The following SESN3 variants were observed in gnomAD, a reference collection of about 807,000 sequenced individuals.
The protein encoded by SESN3 is sestrin-3.
A neutral mutation model predicts 55.3 loss-of-function variants in SESN3; 21 were observed. The observed-to-expected ratio is 0.38, with a 90% CI of 0.27 to 0.55. The LOEUF is 0.55. SESN3 is among the 20% of genes least tolerant of loss of function. The pLI is 0.76. For synonymous variants in SESN3, 181 were observed against 203.1 expected, an observed-to-expected ratio of 0.89 and a Z score of 0.93; for missense variants, 408 against 604.3, an observed-to-expected ratio of 0.68 and a Z score of 3.41.
intron 1 of SESN3, among the ~76,000 whole-genome samples, chr11:95,201,564 T>C (rs926724538): frequency 4.6e-5 from 7 of 151,992 alleles, no homozygotes; most frequent in African/African-American, 1.2e-4. Flanking sequence ...ATACATTGAC[T>C]ATGGAGTGAC....
chr11:95,191,695 T>A (rs1343364831), intron 2 of SESN3, 94 bp from the exon 3 acceptor site: 1 of 862,272 alleles, frequency 1.2e-6, no homozygotes, highest in Non-Finnish European at 1.8e-6. Context: ...CAAATGAATA[T>A]TCATTTGATA....
At chr11:95,199,690 A>T (rs1260527401) in intron 1 of SESN3, among the ~76,000 whole-genome samples, 2 of 152,074 alleles carry the variant, frequency 1.3e-5, no homozygotes, top group Non-Finnish European at 2.9e-5. Flanking sequence ...CTTTAAAATA[A>T]ATTATTAAAA....
chr11:95,174,098 G>A (rs1307641028), intron 9 of SESN3, among the ~76,000 whole-genome samples: 1 of 152,124 alleles, frequency 6.6e-6, no homozygotes, highest in Non-Finnish European at 1.5e-5. Flanking sequence ...GACCCATCAA[G>A]GGGAAATGCT....
At chr11:95,192,743 T>C (rs1321107687) in intron 2 of SESN3, among the ~76,000 whole-genome samples, 1 of 152,110 alleles carries the variant, frequency 6.6e-6, no homozygotes, top group Non-Finnish European at 1.5e-5. Flanking sequence ...ATGGCGTAAC[T>C]CATTATGGAG....
At chr11:95,227,950 A>C (rs1860978323) in intron 1 of SESN3, among the ~76,000 whole-genome samples, 1 of 152,238 alleles carries the variant, frequency 6.6e-6, no homozygotes, top group South Asian at 2.1e-4. Flanking sequence ...CCTCATTGAC[A>C]ATAGAGCAAG....
chr11:95,181,460 A>G (rs1260536307), intron 6 of SESN3, among the ~76,000 whole-genome samples: 2 of 152,116 alleles, frequency 1.3e-5, no homozygotes. Context: ...TGATTATTAA[A>G]TCTAAAACTC....
intron 1 of SESN3, among the ~76,000 whole-genome samples, chr11:95,195,322 A>G (rs949099052): frequency 6.6e-6 from 1 of 152,206 alleles, no homozygotes; most frequent in African/African-American, 2.4e-5. Flanking sequence ...AAATATTTTC[A>G]TTATAAATGG....
intron 1 of SESN3, among the ~76,000 whole-genome samples, chr11:95,226,234 G>A (rs913160230): frequency 1.3e-5 from 2 of 152,036 alleles, no homozygotes; most frequent in East Asian, 1.9e-4. Flanking sequence ...TTTCTTACAC[G>A]GTTTATAAAG....
At chr11:95,218,666 T>C (rs1860804627) in intron 1 of SESN3, among the ~76,000 whole-genome samples, 1 of 150,420 alleles carries the variant, frequency 6.6e-6, no homozygotes, top group Non-Finnish European at 1.5e-5. Flanking sequence ...TTTTTTTTTT[T>C]TTGAGACAGC....
chr11:95,203,292 T>A (rs565273014), intron 1 of SESN3, among the ~76,000 whole-genome samples: 2 of 152,240 alleles, frequency 1.3e-5, no homozygotes, highest in African/African-American at 4.8e-5. Flanking sequence ...TGCATTTGAT[T>A]TCTAGAGATT....
chr11:95,182,302 T>C (rs1860071929), intron 6 of SESN3: 1 of 186,524 alleles, frequency 5.4e-6, no homozygotes, highest in South Asian at 8.4e-5. Flanking sequence ...TAGACATTAG[T>C]TTACCTAGAA....
chr11:95,212,773 C>T (rs968266367), intron 1 of SESN3, among the ~76,000 whole-genome samples: 1 of 152,148 alleles, frequency 6.6e-6, no homozygotes. Context: ...TATGTCTACG[C>T]ATCTGAGCCC....
intron 1 of SESN3, among the ~76,000 whole-genome samples, chr11:95,197,570 G>A (rs548350512): frequency 6.6e-6 from 1 of 151,352 alleles, no homozygotes; most frequent in East Asian, 1.9e-4. Flanking sequence ...TCAGCCTCCC[G>A]AGTTGCTGAG....
intron 1 of SESN3, among the ~76,000 whole-genome samples, chr11:95,197,540 G>C (rs1023765038): frequency 7.3e-5 from 11 of 151,430 alleles, no homozygotes; most frequent in African/African-American, 2.7e-4. Context: ...TGCCTCCCGG[G>C]CTCAAGCGAT....
At chr11:95,218,668 T>G (rs578253700) in intron 1 of SESN3, among the ~76,000 whole-genome samples, 34 of 136,454 alleles carry the variant, frequency 2.5e-4, no homozygotes, top group Non-Finnish European at 4.5e-4. Context: ...TTTTTTTTTT[T>G]GAGACAGCAT....
intron 1 of SESN3, among the ~76,000 whole-genome samples, chr11:95,197,214 CTTTT>C (rs1860377388): frequency 7.2e-5 from 11 of 152,116 alleles, no homozygotes; most frequent in Admixed American, 7.2e-4. Flanking sequence ...AGGTCTAGGA[CTTTT>C]TCTTCTCACA....
At chr11:95,224,111 GT>G (rs1255253481) in intron 1 of SESN3, among the ~76,000 whole-genome samples, 2 of 152,268 alleles carry the variant, frequency 1.3e-5, no homozygotes, top group African/African-American at 4.8e-5. Flanking sequence ...CTGTTGTGAT[GT>G]GTTTTGATTG....
rs1304834172 is a variant in SESN3, at chr11:95,231,167, G to GCCACCGCCA, written c.-316_-308dup. 2.0e-5 allele frequency: 8 copies of GCCACCGCCA among 406,522 alleles called. No homozygotes were observed. The highest frequency in any genetic ancestry group is 8.9e-5 in the African/African-American group (4 of 45,086). 25.2% of individuals were successfully genotyped at this position (406,522 alleles called of 1,614,324 possible). ...GCTAGGACGAGCAGCCGCCACCGCT[G>GCCACCGCCA]CCACCGCCACCACCGCCGCCGCAGC... On this transcript the variant is annotated 5_prime_UTR_variant, in exon 1 of 10. Transcript: ENST00000536441.
At chr11:95,176,205 A>G (rs1053787005) in intron 8 of SESN3, among the ~76,000 whole-genome samples, 7 of 152,204 alleles carry the variant, frequency 4.6e-5, no homozygotes, top group African/African-American at 1.7e-4. Flanking sequence ...CGGTAAGAGC[A>G]GTTTTGTTGG....
Sources: allele counts gnomAD v4.1 joint callset (sites outside exome capture counted in the v4.1 genomes callset), GRCh38; gene constraint gnomAD v4.1.1; transcripts MANE v1.5; gene names NCBI Gene and HGNC (gene_info 2026-07-23, HGNC 2026-07-21).